Variants in ATXN8OS observed in about 807,000 individuals in gnomAD.
ATXN8OS encodes the protein ATXN8 opposite strand lncRNA.
chr13:70,130,762 T>C (rs77869925), intron 3 of ATXN8OS: 5,655 of 398,472 alleles, frequency 0.014, 289 homozygotes, highest in African/African-American at 0.1. Context: ...TGTTCTGTGT[T>C]TCTAATAATA....
chr13:70,161,725 C>A (rs968956211), intron 4 of ATXN8OS, among the ~76,000 whole-genome samples: 1 of 150,874 alleles, frequency 6.6e-6, no homozygotes, highest in Non-Finnish European at 1.5e-5. Context: ...TTTTGAATAC[C>A]CAACATCTTG....
At chr13:70,107,776 G>C, upstream of ATXN8OS, 1 of 1,161,320 alleles carries the variant, frequency 8.6e-7, no homozygotes, top group Non-Finnish European at 1.2e-6. Context: ...GGACAGCGGG[G>C]CCCGGGGGCG....
At chr13:70,143,079 A>AGG (rs1888738750) in intron 3 of ATXN8OS, among the ~76,000 whole-genome samples, 1 of 151,940 alleles carries the variant, frequency 6.6e-6, no homozygotes, top group Non-Finnish European at 1.5e-5. Context: ...AAAAAAAAAA[A>AGG]AATCGTAAAT....
chr13:70,109,127 G>A (rs1472859836), intron 1 of ATXN8OS, among the ~76,000 whole-genome samples: 1 of 152,254 alleles, frequency 6.6e-6, no homozygotes, highest in Non-Finnish European at 1.5e-5. Flanking sequence ...TACTATGCAT[G>A]GAAGAGTTTA....
At chr13:70,167,440 C>T (rs1471734460) in intron 4 of ATXN8OS, among the ~76,000 whole-genome samples, 1 of 151,900 alleles carries the variant, frequency 6.6e-6, no homozygotes, top group Non-Finnish European at 1.5e-5. Context: ...TGTTCTCACT[C>T]ATAGGTGGGA....
chr13:70,133,641 A>C (rs546680366), intron 3 of ATXN8OS, among the ~76,000 whole-genome samples: 6 of 152,322 alleles, frequency 3.9e-5, no homozygotes, highest in African/African-American at 1.2e-4. Context: ...TAAGATGAGA[A>C]AACAGAAACA....
At chr13:70,125,666 G>C (rs1888422851) in intron 2 of ATXN8OS, among the ~76,000 whole-genome samples, 2 of 152,180 alleles carry the variant, frequency 1.3e-5, no homozygotes, top group Admixed American at 6.5e-5. Context: ...TTTAGGTAGT[G>C]GTGAGTTTTC....
chr13:70,162,284 G>A (rs1051084461), intron 4 of ATXN8OS, among the ~76,000 whole-genome samples: 2 of 151,994 alleles, frequency 1.3e-5, no homozygotes, highest in Non-Finnish European at 1.5e-5. Context: ...AACCTGAGAC[G>A]CAGAATTCAG....
At chr13:70,154,397 T>A (rs1175578290) in intron 4 of ATXN8OS, among the ~76,000 whole-genome samples, 1 of 152,192 alleles carries the variant, frequency 6.6e-6, no homozygotes, top group Non-Finnish European at 1.5e-5. Context: ...TTTCTTTCTT[T>A]CCTTCTCTGT....
At chr13:70,137,929 G>T (rs903306885) in intron 3 of ATXN8OS, among the ~76,000 whole-genome samples, 13 of 152,200 alleles carry the variant, frequency 8.5e-5, no homozygotes, top group Middle Eastern at 3.2e-3. Context: ...GACAGAAAGT[G>T]AAGGGGAAGA....
intron 4 of ATXN8OS, among the ~76,000 whole-genome samples, chr13:70,167,625 C>G (rs1048584896): frequency 6.8e-6 from 1 of 147,122 alleles, no homozygotes; most frequent in African/African-American, 2.5e-5. Flanking sequence ...CTAACCTGCA[C>G]GTTGTGCACA....
chr13:70,108,486 C>A (rs1321413172), intron 1 of ATXN8OS: 2 of 145,540 alleles, frequency 1.4e-5, no homozygotes, highest in African/African-American at 5.0e-5. Context: ...TCCTCCTCCC[C>A]TGTAAGTGAC....
At position 70,168,337 on chromosome 13, in the gene ATXN8OS, A is replaced by C. The variant is rs566592916; in HGVS notation, n.574-1416A>C. Among the ~76,000 whole-genome samples, 3 of 152,196 alleles carry C rather than the reference A, an allele frequency of 2.0e-5. No homozygotes were observed. In the East Asian group the frequency reaches 5.8e-4, roughly 29 times the overall value. The stretch of plus-strand genomic sequence containing the variant: ...GGGATTCAGGTTATCTATCACCTGG[A>C]GCATTTATCACTTATATAATGTGTT... On this transcript the variant is annotated intron_variant and non_coding_transcript_variant, in intron 4 of 4. Coordinates refer to ENST00000678624, the Ensembl canonical transcript of ATXN8OS.
intron 4 of ATXN8OS, among the ~76,000 whole-genome samples, chr13:70,159,054 AT>A (rs922830205): frequency 2.6e-5 from 4 of 151,784 alleles, no homozygotes; most frequent in African/African-American, 9.7e-5. Flanking sequence ...CTGGATAATG[AT>A]TCATTTCATT....
intron 4 of ATXN8OS, among the ~76,000 whole-genome samples, chr13:70,148,902 T>A (rs1309158095): frequency 6.6e-6 from 1 of 152,174 alleles, no homozygotes; most frequent in Non-Finnish European, 1.5e-5. Flanking sequence ...TTTTAGAATT[T>A]CTGTCTCAAA....
intron 4 of ATXN8OS, among the ~76,000 whole-genome samples, chr13:70,159,745 T>C (rs1426537309): frequency 6.6e-6 from 1 of 152,208 alleles, no homozygotes; most frequent in African/African-American, 2.4e-5. Flanking sequence ...TGTTCTTCTT[T>C]CCTGTAGTTT....
At chr13:70,169,816 T>C (rs1889124016) in exon 5 of ATXN8OS, among the ~76,000 whole-genome samples, 1 of 152,074 alleles carries the variant, frequency 6.6e-6, no homozygotes, top group South Asian at 2.1e-4. Context: ...GGCTGGCTAA[T>C]GTGAGAAGAT....
chr13:70,169,321 G>A (rs1425859824), intron 4 of ATXN8OS, among the ~76,000 whole-genome samples: 4 of 151,942 alleles, frequency 2.6e-5, no homozygotes, highest in Non-Finnish European at 5.9e-5. Context: ...TTTTGAGACT[G>A]AGTCTTGCCA....
At chr13:70,154,854 G>C (rs1468703808) in intron 4 of ATXN8OS, among the ~76,000 whole-genome samples, 1 of 152,204 alleles carries the variant, frequency 6.6e-6, no homozygotes, top group Non-Finnish European at 1.5e-5. Flanking sequence ...AGCTGCCTGG[G>C]CACCATAGCG....
Sources: gnomAD v4.1 joint callset for allele counts (sites outside exome capture counted in the v4.1 genomes callset) on GRCh38, gnomAD v4.1.1 for gene constraint, MANE v1.5 for transcripts, NCBI Gene and HGNC (gene_info 2026-07-23, HGNC 2026-07-21) for gene names.